EFCAB11: variants seen among roughly 807,000 people sequenced by gnomAD.
The protein encoded by EFCAB11 is EF-hand calcium binding domain 11.
In EFCAB11, 14 loss-of-function variants were observed where a neutral mutation model predicts 23.0. The observed-to-expected ratio is 0.61, with a 90% CI of 0.40 to 0.95. EFCAB11 has a LOEUF of 0.95. Among genes scored for constraint, EFCAB11 ranks in the 40% least tolerant of loss-of-function variants. The probability of loss-of-function intolerance (pLI) is 0.00; values close to 1 mark genes in which losing one functional copy is unlikely to be tolerated. For missense variants in EFCAB11, 198 were observed against 195.8 expected, an observed-to-expected ratio of 1.01 and a Z score of -0.07; for synonymous variants, 65 against 66.6, an observed-to-expected ratio of 0.98 and a Z score of 0.11.
intron 5 of EFCAB11, among the ~76,000 whole-genome samples, chr14:89,881,293 GAAGT>G (rs1410973848): frequency 1.3e-5 from 2 of 150,674 alleles, no homozygotes; most frequent in African/African-American, 4.9e-5. Flanking sequence ...CTTGTTAAAA[GAAGT>G]AAAAGGCTGA....
chr14:89,871,667 C>T (rs1224747599), intron 5 of EFCAB11, among the ~76,000 whole-genome samples: 2 of 152,196 alleles, frequency 1.3e-5, no homozygotes. Context: ...ACTGACCTCT[C>T]CTTTCTATTA....
intron 5 of EFCAB11, among the ~76,000 whole-genome samples, chr14:89,904,042 T>G (rs936271151): frequency 6.6e-6 from 1 of 152,202 alleles, no homozygotes; most frequent in Non-Finnish European, 1.5e-5. Flanking sequence ...GTTTGTTACA[T>G]AGGTATACAT....
At position 89,932,523 on chromosome 14, in the gene EFCAB11, T is replaced by G; in HGVS notation, c.319+3A>C. 6.2e-7 allele frequency: 1 copy of G among 1,612,726 alleles called. No individual in the cohort carries two copies. The highest frequency in any genetic ancestry group is 8.5e-7 in the Non-Finnish European group (1 of 1,179,122). On this transcript the variant is annotated splice_donor_region_variant and intron_variant, in intron 4 of 5. Transcript: ENST00000316738. ...TACATCAAAACACTTTAGAGACACT[T>G]ACAGTAGGTGTCAAAGGCTGTGAAG...
intron 5 of EFCAB11, among the ~76,000 whole-genome samples, chr14:89,925,889 C>T (rs965821443): frequency 6.6e-6 from 1 of 151,980 alleles, no homozygotes; most frequent in Non-Finnish European, 1.5e-5. Flanking sequence ...AGTGCAGTGG[C>T]GTGATCTCGG....
At chr14:89,833,968 T>C (rs1886968935) in intron 5 of EFCAB11, among the ~76,000 whole-genome samples, 1 of 152,152 alleles carries the variant, frequency 6.6e-6, no homozygotes, top group Non-Finnish European at 1.5e-5. Context: ...GCCATATTAG[T>C]TCTGAAATAA....
At chr14:89,924,100 T>C (rs1890111974) in intron 5 of EFCAB11, 4 of 985,662 alleles carry the variant, frequency 4.1e-6, no homozygotes, top group Non-Finnish European at 4.8e-6. Flanking sequence ...CCTTTTACAA[T>C]TGCATTCCTA....
intron 5 of EFCAB11, among the ~76,000 whole-genome samples, chr14:89,842,005 G>T (rs80047309): frequency 0.015 from 2,222 of 152,136 alleles, 64 homozygotes; most frequent in African/African-American, 0.051. Context: ...CTAAACCTGC[G>T]CCGCCTGTGT....
chr14:89,899,068 A>G (rs1889263347), intron 5 of EFCAB11, among the ~76,000 whole-genome samples: 1 of 152,188 alleles, frequency 6.6e-6, no homozygotes, highest in African/African-American at 2.4e-5. Flanking sequence ...AGAGAATGAA[A>G]TATTAATACA....
At chr14:89,944,679 C>T (rs1263227698) in intron 3 of EFCAB11, among the ~76,000 whole-genome samples, 1 of 151,954 alleles carries the variant, frequency 6.6e-6, no homozygotes, top group Non-Finnish European at 1.5e-5. Context: ...GAACATCAAA[C>T]ATTATTCTGA....
At chr14:89,870,449 CAG>C (rs1331119833) in intron 5 of EFCAB11, among the ~76,000 whole-genome samples, 1 of 152,162 alleles carries the variant, frequency 6.6e-6, no homozygotes, top group Admixed American at 6.5e-5. Context: ...AAGAATCCAA[CAG>C]ATGTTATATG....
chr14:89,865,460 G>A (rs1377513284), intron 5 of EFCAB11, among the ~76,000 whole-genome samples: 2 of 152,100 alleles, frequency 1.3e-5, no homozygotes, highest in Admixed American at 1.3e-4. Context: ...TGCGGGGAGA[G>A]AGAGAGAGAG....
chr14:89,874,929 T>C (rs1888389222), intron 5 of EFCAB11, among the ~76,000 whole-genome samples: 1 of 151,962 alleles, frequency 6.6e-6, no homozygotes, highest in African/African-American at 2.4e-5. Flanking sequence ...CTTGAATGCT[T>C]TGCTGCTTAG....
In EFCAB11 at chr14:89,954,349, G is replaced by C. The variant is rs1286221569; in HGVS notation, c.75+237C>G. 3 of 1,536,042 alleles carry C rather than the reference G, an allele frequency of 2.0e-6. No individual in the cohort carries two copies. The South Asian group carries it at 3.6e-5, about 18-fold the overall frequency. ...AAAGGCGGGAGAGATGCAGACTCAA[G>C]GTTACCATTAATAGACTATATAGAG... On this transcript the variant is annotated intron_variant, in intron 1 of 5. Coordinates refer to ENST00000316738, the MANE Select transcript of EFCAB11 (RefSeq NM_145231.4).
intron 5 of EFCAB11, among the ~76,000 whole-genome samples, chr14:89,864,745 C>A (rs2104800): frequency 0.018 from 2,779 of 152,236 alleles, 76 homozygotes; most frequent in African/African-American, 0.06. Flanking sequence ...AGCCACATTT[C>A]TTTAATATTA....
chr14:89,949,967 A>G (rs530329534), intron 3 of EFCAB11, 130 bp downstream of exon 3: 4 of 1,002,256 alleles, frequency 4.0e-6, no homozygotes, highest in Admixed American at 3.1e-5. Context: ...CGCCCCCATG[A>G]TTCAGTTACC....
chr14:89,805,068 G>T (rs995886436), intron 5 of EFCAB11, among the ~76,000 whole-genome samples: 1 of 152,204 alleles, frequency 6.6e-6, no homozygotes, highest in African/African-American at 2.4e-5. Flanking sequence ...GAACTGTGAA[G>T]GGTAAGAGAA....
intron 5 of EFCAB11, among the ~76,000 whole-genome samples, chr14:89,883,808 A>G (rs1429635934): frequency 6.6e-6 from 1 of 152,188 alleles, no homozygotes; most frequent in Non-Finnish European, 1.5e-5. Flanking sequence ...AGACAAATTT[A>G]ACAGCATTGT....
In EFCAB11 at chr14:89,952,279, G is replaced by C. The variant is rs182067816; in HGVS notation, c.171+1627C>G. The C allele has an allele frequency of 3.6e-3, 1,664 of 458,276 alleles. 5 individuals are homozygous for C. Among genetic ancestry groups the C allele is most frequent in the Non-Finnish European group, 4.4e-3 (1,537 of 348,202 alleles). 28.4% of individuals were successfully genotyped at this position (458,276 alleles called of 1,614,324 possible). On this transcript the variant is annotated intron_variant, in intron 2 of 5. Transcript: ENST00000316738. ...AAAAGTAAAATCTGTTAAATTTCAT[G>C]GAGTGTATGTACAGTATGTTACATC...
chr14:89,865,300 C>T (rs980960670), intron 5 of EFCAB11, among the ~76,000 whole-genome samples: 3 of 152,150 alleles, frequency 2.0e-5, no homozygotes, highest in Non-Finnish European at 2.9e-5. Context: ...ATCAGCCATA[C>T]ATTATAACCT....
Sources: allele counts gnomAD v4.1 joint callset (sites outside exome capture counted in the v4.1 genomes callset), GRCh38; gene constraint gnomAD v4.1.1; transcripts MANE v1.5; gene names NCBI Gene and HGNC (gene_info 2026-07-23, HGNC 2026-07-21).